PIAS4: variants seen among roughly 807,000 people sequenced by gnomAD.
PIAS4 encodes the protein E3 SUMO-protein ligase PIAS4.
In PIAS4, 7 loss-of-function variants were observed where a neutral mutation model predicts 58.0. The observed-to-expected ratio is 0.12, with a 90% confidence interval of 0.07 to 0.23. The LOEUF (loss-of-function observed/expected upper bound fraction) is 0.23. Among genes scored for constraint, PIAS4 ranks in the 10% least tolerant of loss-of-function variants. PIAS4 has a pLI of 1.00. For synonymous variants in PIAS4, 364 were observed against 312.4 expected, an observed-to-expected ratio of 1.17 and a Z score of -1.74; for missense variants, 550 against 709.5, an observed-to-expected ratio of 0.78 and a Z score of 2.55.
intron 1 of PIAS4, among the ~76,000 whole-genome samples, chr19:4,009,662 T>C (rs1177970133): frequency 6.6e-6 from 1 of 152,118 alleles, no homozygotes; most frequent in Non-Finnish European, 1.5e-5. Context: ...GGAACCTTCT[T>C]TCTCCTTGAG....
chr19:4,008,427 C>T (rs2039963485), intron 1 of PIAS4, among the ~76,000 whole-genome samples: 1 of 152,092 alleles, frequency 6.6e-6, no homozygotes, highest in Non-Finnish European at 1.5e-5. Context: ...TCTTGAGCCC[C>T]TCTTCAGCTC....
chr19:4,030,681 C>A (rs1599229801), intron 7 of PIAS4, among the ~76,000 whole-genome samples: 1 of 152,252 alleles, frequency 6.6e-6, no homozygotes, highest in South Asian at 2.1e-4. Context: ...AGCAGCCACG[C>A]AGCACAAAGC....
chr19:4,036,030 C>G (rs1452950131), intron 9 of PIAS4, among the ~76,000 whole-genome samples: 1 of 150,262 alleles, frequency 6.7e-6, no homozygotes, highest in Non-Finnish European at 1.5e-5. Context: ...TCCATACAGT[C>G]CACACCGTCA....
At chr19:4,014,071 T>G (rs2040027714) in intron 2 of PIAS4, among the ~76,000 whole-genome samples, 1 of 152,130 alleles carries the variant, frequency 6.6e-6, no homozygotes, top group Non-Finnish European at 1.5e-5. Context: ...TCCCCCGGGC[T>G]CTGGTTCCTC....
Position 4,033,290 on chromosome 19 carries a change from C to T in PIAS4, c.981+117C>T. 3.0e-6 allele frequency: 4 copies of T among 1,341,408 alleles called. No individual in the cohort carries two copies. In the South Asian group the frequency reaches 3.8e-5, roughly 13 times the overall value. The allele number at this position is 1,341,408 out of a possible 1,614,324, so 83.1% of individuals were successfully genotyped here. On this transcript the variant is annotated intron_variant, in intron 8 of 10. Coordinates refer to ENST00000262971, the MANE Select transcript of PIAS4 (RefSeq NM_015897.4). ...GTGAGCCTGCGGGGGCGAGGCTGGT[C>T]TTCGTCCCCTCCGTGTTCCTGAGGC...
chr19:4,035,407 T>A (rs970840482), intron 9 of PIAS4, among the ~76,000 whole-genome samples: 1 of 151,986 alleles, frequency 6.6e-6, no homozygotes, highest in Non-Finnish European at 1.5e-5. Context: ...CTAAGACGGG[T>A]TGGGGAGCAG....
intron 7 of PIAS4, among the ~76,000 whole-genome samples, chr19:4,029,500 C>T (rs911669755): frequency 1.3e-5 from 2 of 151,870 alleles, no homozygotes; most frequent in South Asian, 2.1e-4. Context: ...AGACGGGCGG[C>T]GGCGGTCTGA....
chr19:4,008,002 CG>C (rs1308292215), intron 1 of PIAS4, among the ~76,000 whole-genome samples: 1 of 151,426 alleles, frequency 6.6e-6, no homozygotes, highest in Non-Finnish European at 1.5e-5. Context: ...CAGGTCTTCG[CG>C]CCGGGGGTCG....
intron 7 of PIAS4, among the ~76,000 whole-genome samples, chr19:4,032,678 A>G (rs755751): frequency 0.054 from 8,200 of 152,188 alleles, 734 homozygotes; most frequent in African/African-American, 0.19. Flanking sequence ...ACAGCCAGGA[A>G]GCCCCAGGAT....
intron 1 of PIAS4, among the ~76,000 whole-genome samples, chr19:4,009,200 C>G (rs1218616950): frequency 2.6e-5 from 4 of 152,140 alleles, no homozygotes; most frequent in African/African-American, 4.8e-5. Flanking sequence ...ATCTTCTTCT[C>G]GGTCCTCTCA....
At chr19:4,034,000 G>T (rs748289375) in intron 9 of PIAS4, among the ~76,000 whole-genome samples, 2 of 152,192 alleles carry the variant, frequency 1.3e-5, no homozygotes, top group Non-Finnish European at 2.9e-5. Context: ...GAGCACTCTG[G>T]CTACGCCATG....
At chr19:4,033,613 G>A (rs748003075) in intron 9 of PIAS4, 33 bp downstream of exon 9, 2 of 1,558,538 alleles carry the variant, frequency 1.3e-6, no homozygotes, top group East Asian at 2.3e-5. Flanking sequence ...GGCGGCCGGA[G>A]CCGGACATCC....
Position 4,037,821 on chromosome 19 carries a change from G to A in PIAS4, c.1479G>A (p.Gly493=), listed in dbSNP as rs2040317525. The change falls in exon 11 of 11, where the codon GGG becomes GGA. Residue 493 remains glycine, a synonymous_variant. Transcript: ENST00000262971. This position sits in a 1 kb window ranked among gnomAD's most constrained non-coding sequence, Gnocchi z 5.8. ...EEEEEDEDEE[G]PRPKRRCPFQ... ...AGGAGGAAGACGAGGACGAAGAGGG[G>A]CCCCGGCCCAAGCGCCGCTGCCCCT... 5.7e-6 allele frequency: 9 copies of A among 1,578,416 alleles called. No individual in the cohort carries two copies. Among genetic ancestry groups the A allele is most frequent in the South Asian group, 2.3e-5 (2 of 87,258 alleles).
In PIAS4 at chr19:4,029,160, G is replaced by C. The variant is rs2040198652; in HGVS notation, c.907+124G>C. 3 of 686,260 alleles carry C rather than the reference G, an allele frequency of 4.4e-6. No individual in the cohort carries two copies. In the African/African-American group the frequency reaches 5.3e-5, roughly 12 times the overall value. 42.5% of individuals were successfully genotyped at this position (686,260 alleles called of 1,614,324 possible). Reference sequence around the variant, plus strand: ...CGATCAGGGGCCGCCTGTCACTCTGGGGGTCCATGGCCCCCCGGCTGTGGC... The same window carrying C: ...CGATCAGGGGCCGCCTGTCACTCTGCGGGTCCATGGCCCCCCGGCTGTGGC... On this transcript the variant is annotated intron_variant, in intron 7 of 10. Transcript: ENST00000262971.
intron 8 of PIAS4, 43 bp downstream of exon 8, chr19:4,033,216 C>T (rs770130010): frequency 6.4e-7 from 1 of 1,570,624 alleles, no homozygotes; most frequent in Non-Finnish European, 8.7e-7. Context: ...TCTCCTGCGG[C>T]CGGCCTTCCC....
Position 4,024,048 on chromosome 19 carries a change from A to T in PIAS4, c.467A>T (p.Asn156Ile). ...LKPTELVPQN[N>I]EKLQESPCIF... ...TGTTTGTCTTCAGTCCCACAGAACA[A>T]CGAGAAGCTTCAGGAGAGCCCGTGC... Residue 156 changes from asparagine (N) to isoleucine (I), a missense_variant, in exon 3 of 11, where the codon AAC becomes ATC. Coordinates refer to ENST00000262971, the MANE Select transcript of PIAS4 (RefSeq NM_015897.4). The T allele has an allele frequency of 6.2e-7, 1 of 1,613,738 alleles. No individual in the cohort carries two copies. The highest frequency in any genetic ancestry group is 8.5e-7 in the Non-Finnish European group (1 of 1,179,628).
intron 9 of PIAS4, among the ~76,000 whole-genome samples, chr19:4,035,169 G>A (rs971725375): frequency 1.3e-5 from 2 of 152,146 alleles, no homozygotes; most frequent in African/African-American, 4.8e-5. Context: ...CGGGGCGGAG[G>A]GGCTGGCCTG....
Position 4,028,836 on chromosome 19 carries a change from G to A in PIAS4, c.789G>A (p.Gly263=). 6.2e-7 allele frequency: 1 copy of A among 1,613,458 alleles called. No homozygotes were observed. The highest frequency in any genetic ancestry group is 8.5e-7 in the Non-Finnish European group (1 of 1,179,948). ...SATNRITVTW[G]NYGKSYSVAL... ...CCAACCGCATCACTGTCACCTGGGGGAACTACGGCAAGGTGAGTGCGTGCC... is the reference window on the plus strand; with the variant it reads ...CCAACCGCATCACTGTCACCTGGGGAAACTACGGCAAGGTGAGTGCGTGCC... Residue 263 remains glycine, a synonymous_variant, in exon 6 of 11, where the codon GGG becomes GGA. Coordinates refer to ENST00000262971, the MANE Select transcript of PIAS4 (RefSeq NM_015897.4).
chr19:4,028,785 C>G lies in PIAS4; in HGVS notation c.738C>G (p.Thr246=), dbSNP rs2289863. Residue 246 remains threonine (T), a synonymous_variant, in exon 6 of 11, where the codon ACC becomes ACG. Transcript: ENST00000262971. ...GGCCGTGCCGCCCCATCAACCTCAC[C>G]CACCTCATGTACCTGTCCTCGGCCA... is the stretch of plus-strand genomic sequence containing the variant. ...PKRPCRPINL[T]HLMYLSSATN... 5.0e-6 allele frequency: 8 copies of G among 1,613,128 alleles called. No homozygotes were observed. Among genetic ancestry groups the G allele is most frequent in the African/African-American group, 2.7e-5 (2 of 74,808 alleles).
Sources: gnomAD v4.1 joint callset for allele counts (sites outside exome capture counted in the v4.1 genomes callset) on GRCh38, gnomAD v4.1.1 for gene constraint, Gnocchi (gnomAD v3.1) non-coding constraint, MANE v1.5 for transcripts, NCBI Gene and HGNC (gene_info 2026-07-23, HGNC 2026-07-21) for gene names.